Variants in FSTL5 observed in about 807,000 individuals in gnomAD.
FSTL5 encodes the protein follistatin-related protein 5.
A neutral mutation model predicts 89.1 loss-of-function variants in FSTL5; 62 were observed. The observed-to-expected ratio is 0.70, with a 90% CI of 0.57 to 0.86. FSTL5 has a LOEUF of 0.86. FSTL5 is among the 40% of genes least tolerant of loss of function. FSTL5 has a pLI of 0.00. For missense variants in FSTL5, 1,057 were observed against 1,001.6 expected (o/e 1.06, Z -0.75); for synonymous variants, 383 against 346.2 (o/e 1.11, Z -1.18).
chr4:161,501,984 T>A (rs2126486800), intron 11 of FSTL5, among the ~76,000 whole-genome samples: 1 of 152,158 alleles, frequency 6.6e-6, no homozygotes, highest in Middle Eastern at 3.4e-3. Flanking sequence ...TAATGTGGTG[T>A]CTGATTTTCA....
chr4:161,537,064 G>T (rs1003781519), intron 10 of FSTL5, among the ~76,000 whole-genome samples: 9 of 152,004 alleles, frequency 5.9e-5, no homozygotes, highest in African/African-American at 2.2e-4. Context: ...TATAATGATG[G>T]TTGTCCTAAC....
At chr4:161,830,271 G>A (rs1377185943) in intron 4 of FSTL5, among the ~76,000 whole-genome samples, 2 of 151,998 alleles carry the variant, frequency 1.3e-5, no homozygotes. Flanking sequence ...AACAGTCAAT[G>A]AACAGGCTGC....
intron 3 of FSTL5, among the ~76,000 whole-genome samples, chr4:161,995,607 C>T (rs76940364): frequency 3.9e-5 from 6 of 151,980 alleles, no homozygotes; most frequent in South Asian, 2.1e-4. Flanking sequence ...ATTAGCACTC[C>T]GCATCAGTGC....
intron 15 of FSTL5, among the ~76,000 whole-genome samples, chr4:161,452,301 C>G (rs1051148368): frequency 6.6e-6 from 1 of 152,070 alleles, no homozygotes; most frequent in Admixed American, 6.6e-5. Context: ...GATGGTGAAA[C>G]TCCGTCTCTA....
intron 3 of FSTL5, among the ~76,000 whole-genome samples, chr4:161,942,789 A>C (rs1008682434): frequency 2.0e-5 from 3 of 152,102 alleles, no homozygotes; most frequent in African/African-American, 7.2e-5. Context: ...TCCATTTTTC[A>C]CCAGTTCCAG....
At chr4:161,929,683 G>GTA (rs1553983460) in intron 3 of FSTL5, among the ~76,000 whole-genome samples, 3,026 of 98,008 alleles carry the variant, frequency 0.031, 74 homozygotes, top group African/African-American at 0.069. Context: ...GTGTGTGTGT[G>GTA]TGTGTGTGTG....
chr4:161,772,113 T>C (rs1579080667), intron 5 of FSTL5, among the ~76,000 whole-genome samples: 1 of 152,148 alleles, frequency 6.6e-6, no homozygotes, highest in Non-Finnish European at 1.5e-5. Flanking sequence ...AGGTTCTAAT[T>C]TACTTGAAAA....
At chr4:161,805,321 GATTT>G (rs1191026228) in intron 4 of FSTL5, among the ~76,000 whole-genome samples, 5 of 152,222 alleles carry the variant, frequency 3.3e-5, no homozygotes, top group African/African-American at 9.6e-5. Context: ...GTTCTGATTA[GATTT>G]ATTTGCTGAG....
At chr4:161,658,370 A>G (rs538111634) in intron 6 of FSTL5, among the ~76,000 whole-genome samples, 29 of 152,096 alleles carry the variant, frequency 1.9e-4, no homozygotes, top group Non-Finnish European at 3.4e-4. Context: ...GAGGCAGGAG[A>G]ATCTCTTGAA....
chr4:161,437,522 G>A (rs1347514737), intron 15 of FSTL5, among the ~76,000 whole-genome samples: 2 of 126,130 alleles, frequency 1.6e-5, no homozygotes, highest in African/African-American at 3.1e-5. Context: ...AGCAGAGATG[G>A]CGCCACCGCA....
chr4:161,915,868 T>C (rs1370014477), intron 4 of FSTL5, among the ~76,000 whole-genome samples: 1 of 152,186 alleles, frequency 6.6e-6, no homozygotes, highest in Admixed American at 6.5e-5. Context: ...TATAAAAGGC[T>C]GTATTAACAT....
chr4:161,837,726 A>G (rs1367332757), intron 4 of FSTL5, among the ~76,000 whole-genome samples: 1 of 152,160 alleles, frequency 6.6e-6, no homozygotes, highest in Non-Finnish European at 1.5e-5. Flanking sequence ...AATAAAAACA[A>G]AATGCTTTAT....
intron 6 of FSTL5, among the ~76,000 whole-genome samples, chr4:161,706,840 C>T (rs953609603): frequency 3.3e-5 from 5 of 151,934 alleles, no homozygotes; most frequent in African/African-American, 1.2e-4. Flanking sequence ...TAATCCAGTT[C>T]TAGATTCTAA....
intron 6 of FSTL5, among the ~76,000 whole-genome samples, chr4:161,753,949 G>A (rs1740485628): frequency 6.7e-6 from 1 of 148,188 alleles, no homozygotes; most frequent in Non-Finnish European, 1.5e-5. Flanking sequence ...GGCTGAGGCA[G>A]GAGAATGGTG....
chr4:161,968,974 C>T, intron 3 of FSTL5, among the ~76,000 whole-genome samples: 1 of 149,690 alleles, frequency 6.7e-6, no homozygotes, highest in East Asian at 2.0e-4. Flanking sequence ...CATAAGCACA[C>T]ACACACACAC....
At chr4:161,435,489 G>C (rs562135585) in intron 15 of FSTL5, among the ~76,000 whole-genome samples, 1 of 130,708 alleles carries the variant, frequency 7.7e-6, no homozygotes, top group South Asian at 2.2e-4. Flanking sequence ...AATATAGTTA[G>C]AATGAATAAA....
At chr4:161,933,875 T>G (rs1370051439) in intron 3 of FSTL5, among the ~76,000 whole-genome samples, 1 of 152,086 alleles carries the variant, frequency 6.6e-6, no homozygotes, top group Non-Finnish European at 1.5e-5. Context: ...TTTGCTTACA[T>G]TGAAAACAGC....
chr4:161,430,564 C>A (rs1000581973), intron 15 of FSTL5, among the ~76,000 whole-genome samples: 4 of 152,096 alleles, frequency 2.6e-5, no homozygotes, highest in Admixed American at 1.3e-4. Context: ...CACGGTGAAA[C>A]CCCGTCTCTA....
intron 3 of FSTL5, among the ~76,000 whole-genome samples, chr4:161,978,708 C>G (rs1310153869): frequency 6.6e-6 from 1 of 151,960 alleles, no homozygotes; most frequent in Non-Finnish European, 1.5e-5. Context: ...GTAGTATAAT[C>G]CCTTTGTGTT....
Sources: gnomAD v4.1 joint callset for allele counts (sites outside exome capture counted in the v4.1 genomes callset) on GRCh38, gnomAD v4.1.1 for gene constraint, MANE v1.5 for transcripts, NCBI Gene and HGNC (gene_info 2026-07-23, HGNC 2026-07-21) for gene names.